WRN: variants seen among roughly 807,000 people sequenced by gnomAD.
WRN encodes bifunctional 3'-5' exonuclease/ATP-dependent helicase WRN.
A neutral mutation model predicts 180.7 loss-of-function variants in WRN; 149 were observed. That is an observed-to-expected ratio of 0.82 (90% confidence interval 0.72 to 0.94). The LOEUF (loss-of-function observed/expected upper bound fraction) is 0.94, where lower values mean the gene tolerates loss of function less well. Among genes scored for constraint, WRN ranks in the 40% least tolerant of loss-of-function variants. The probability of loss-of-function intolerance (pLI) is 0.00; values close to 1 mark genes in which losing one functional copy is unlikely to be tolerated. For synonymous variants in WRN, 548 were observed against 568.9 expected (o/e 0.96, Z 0.52); for missense variants, 1,661 against 1,700.1 (o/e 0.98, Z 0.40).
chr8:31,101,935 A>G (rs1800887044), intron 18 of WRN, among the ~76,000 whole-genome samples: 2 of 152,086 alleles, frequency 1.3e-5, no homozygotes, highest in Admixed American at 1.3e-4. Flanking sequence ...AAGTTGTAAA[A>G]AAAAAAATAC....
rs969301374 is a variant in WRN at position 31,067,466 on chromosome 8, A to G, written c.654+284A>G. 2.0e-5 allele frequency among the ~76,000 whole-genome samples: 3 copies of G among 152,226 alleles called. No individual in the cohort carries two copies. In the East Asian group the frequency reaches 5.8e-4, roughly 29 times the overall value. On this transcript the variant is annotated intron_variant, in intron 6 of 34. Transcript: ENST00000298139. The stretch of plus-strand genomic sequence containing the variant: ...TAAAAAATGTGAACTTGCTGAAAAC[A>G]TGAAAGGCTAATAAATCCAGGCTGA...
At chr8:31,089,080 A>G (rs1813646981) in intron 13 of WRN, 115 bp downstream of exon 13, 3 of 809,374 alleles carry the variant, frequency 3.7e-6, no homozygotes, top group South Asian at 3.0e-5. Flanking sequence ...ATAGTTATAC[A>G]TGCCACACTG....
intron 1 of WRN, among the ~76,000 whole-genome samples, chr8:31,035,500 A>T (rs1811419217): frequency 1.3e-5 from 2 of 152,098 alleles, no homozygotes; most frequent in South Asian, 4.1e-4. Context: ...AGCAGAGCGG[A>T]GAGGAGGTCA....
At chr8:31,112,148 C>T (rs147993822) in intron 19 of WRN, among the ~76,000 whole-genome samples, 18 of 152,228 alleles carry the variant, frequency 1.2e-4, no homozygotes, top group Non-Finnish European at 2.5e-4. Flanking sequence ...GATCACAACT[C>T]ACTGCAGCCT....
At chr8:31,059,686 T>C (rs761519960) in intron 3 of WRN, among the ~76,000 whole-genome samples, 80 of 152,182 alleles carry the variant, frequency 5.3e-4, no homozygotes, top group Non-Finnish European at 1.0e-3. Flanking sequence ...ATAGTAATAT[T>C]GAATAATGGC....
intron 9 of WRN, 127 bp from the exon 10 acceptor site, chr8:31,083,572 A>G: frequency 1.9e-6 from 1 of 531,428 alleles, no homozygotes; most frequent in Non-Finnish European, 3.4e-6. Context: ...ATGTAAATAT[A>G]TATTATATAT....
intron 24 of WRN, among the ~76,000 whole-genome samples, chr8:31,137,554 A>G (rs1303900214): frequency 6.6e-6 from 1 of 152,174 alleles, no homozygotes; most frequent in Non-Finnish European, 1.5e-5. Flanking sequence ...GGTTGAGTTA[A>G]AGGATCAGCT....
Position 31,116,422 on chromosome 8 carries a change from C to T in WRN, c.2342C>T (p.Thr781Ile), listed in dbSNP as rs17847568. ...CPSRKMTQQV[T>I]GELRKLNLSC... is the part of the protein sequence containing the mutation. ...TCTAGAAAAATGACACAACAAGTTA[C>T]AGGTGAACTTAGGAAACTGAATCTA... Residue 781 changes from threonine (T) to isoleucine (I), a missense_variant, in exon 20 of 35, where the codon ACA becomes ATA. Physicochemically the swap from Thr to Ile is moderately conservative, Grantham distance 89. This residue lies in a region of WRN where 1,141 missense variants were observed against 1,149.4 expected (regional missense o/e 0.99). Coordinates refer to ENST00000298139, the MANE Select transcript of WRN (RefSeq NM_000553.6). 665 of 1,614,012 alleles carry T rather than the reference C, an allele frequency of 4.1e-4. 7 individuals are homozygous for T. The East Asian group carries it at 0.015, about 36-fold the overall frequency.
chr8:31,163,743 G>A lies in WRN; in HGVS notation c.3983-3279G>A, dbSNP rs183508252. On this transcript the variant is annotated intron_variant, in intron 33 of 34. Coordinates refer to ENST00000298139, the MANE Select transcript of WRN (RefSeq NM_000553.6). ...TATACTTACTAAAAACTTATCCTTC[G>A]GTTAATACACTGTATGTAGGTTGTA... Among the ~76,000 whole-genome samples, 7 of 151,954 alleles carry A rather than the reference G, an allele frequency of 4.6e-5. No individual in the cohort carries two copies. The East Asian group carries it at 9.7e-4, about 21-fold the overall frequency.
intron 7 of WRN, among the ~76,000 whole-genome samples, chr8:31,074,289 G>A (rs910684008): frequency 6.6e-6 from 1 of 152,092 alleles, no homozygotes; most frequent in African/African-American, 2.4e-5. Flanking sequence ...GTTGCAGTTG[G>A]TTTGGGAGGA....
chr8:31,064,539 C>T (rs1812620009), intron 4 of WRN, 105 bp downstream of exon 4: 2 of 1,479,372 alleles, frequency 1.4e-6, no homozygotes, highest in Admixed American at 3.5e-5. Flanking sequence ...CTCTCATTAT[C>T]TCAAATTTAT....
intron 17 of WRN, among the ~76,000 whole-genome samples, chr8:31,099,565 G>GTT (rs148360389): frequency 1.4e-5 from 2 of 144,652 alleles, no homozygotes; most frequent in African/African-American, 5.3e-5. Flanking sequence ...TTGTTTGTTT[G>GTT]TTTGTTTTTT....
rs1332359318 is a variant in WRN, at chr8:31,149,478, T to G, written c.3573-863T>G. ...GTGTTTTTTTTTTTTTTTTTTTTTT[T>G]TTTTTTTTTTTTTGGTGATAGAGTC... On this transcript the variant is annotated intron_variant, in intron 30 of 34. Transcript: ENST00000298139. Among the ~76,000 whole-genome samples, 18 of 96,964 alleles carry G rather than the reference T, an allele frequency of 1.9e-4. 1 individual carries two copies. The highest frequency in any genetic ancestry group is 4.0e-4 in the South Asian group (1 of 2,514). 63.6% of individuals were successfully genotyped at this position (96,964 alleles called of 152,430 possible).
intron 9 of WRN, among the ~76,000 whole-genome samples, chr8:31,083,109 G>A (rs1222862008): frequency 3.9e-5 from 6 of 151,940 alleles, no homozygotes; most frequent in South Asian, 2.1e-4. Context: ...ATCCCATCTC[G>A]TTGGACACTT....
intron 1 of WRN, among the ~76,000 whole-genome samples, chr8:31,043,219 C>G (rs1022495664): frequency 6.6e-6 from 1 of 152,186 alleles, no homozygotes; most frequent in Admixed American, 6.5e-5. Flanking sequence ...ATGACCACAT[C>G]TAGCAGGAGC....
Position 31,088,980 on chromosome 8 carries a change from A to G in WRN, c.1652+15A>G, listed in dbSNP as rs777801043. ...AGTTTTAAACCGTGAGTATAATCTC[A>G]TTTAATCAAATCACATATTTAGTAT... On this transcript the variant is annotated intron_variant, in intron 13 of 34. Coordinates refer to ENST00000298139, the MANE Select transcript of WRN (RefSeq NM_000553.6). 9 of 1,596,082 alleles carry G rather than the reference A, an allele frequency of 5.6e-6. No individual in the cohort carries two copies. Among genetic ancestry groups the G allele is most frequent in the South Asian group, 1.1e-5 (1 of 89,560 alleles).
At chr8:31,049,579 G>A (rs1463145369) in intron 1 of WRN, among the ~76,000 whole-genome samples, 1 of 151,438 alleles carries the variant, frequency 6.6e-6, no homozygotes, top group Non-Finnish European at 1.5e-5. Flanking sequence ...CAATGGGTCA[G>A]AAAGAAGCAT....
chr8:31,068,227 A>G (rs1812782598), intron 6 of WRN, 31 bp from the exon 7 acceptor site: 7 of 1,510,350 alleles, frequency 4.6e-6, no homozygotes, highest in East Asian at 2.3e-5. Context: ...GATCTTTAGC[A>G]TACTTTTTAA....
chr8:31,080,793 TA>T (rs1164944665), intron 8 of WRN, 73 bp from the exon 9 acceptor site: 6 of 1,286,892 alleles, frequency 4.7e-6, no homozygotes, highest in Non-Finnish European at 5.4e-6. Flanking sequence ...TTTTACTTGT[TA>T]AAAAGCTTCA....
Sources: gnomAD v4.1 joint callset for allele counts (sites outside exome capture counted in the v4.1 genomes callset) on GRCh38, gnomAD v4.1.1 for gene constraint, gnomAD v4.1.1 regional missense constraint, MANE v1.5 for transcripts, NCBI Gene and HGNC (gene_info 2026-07-23, HGNC 2026-07-21) for gene names.